Variants in SKAP1 observed in about 807,000 individuals in gnomAD.
The protein encoded by SKAP1 is src kinase associated phosphoprotein 1, also known as src kinase-associated phosphoprotein 1.
In SKAP1, 44 loss-of-function variants were observed where a neutral mutation model predicts 58.5. The ratio of observed to expected loss-of-function variants is 0.75; its 90% CI spans 0.59 to 0.97. The LOEUF (loss-of-function observed/expected upper bound fraction) is 0.97, where lower values mean the gene tolerates loss of function less well. Ranked by LOEUF, SKAP1 falls within the 50% of genes least tolerant of loss-of-function variation. SKAP1 has a pLI of 0.00. For missense variants in SKAP1, 390 were observed against 435.2 expected, an observed-to-expected ratio of 0.90 and a Z score of 0.92; for synonymous variants, 127 against 149.7, an observed-to-expected ratio of 0.85 and a Z score of 1.11.
At chr17:48,416,200 T>C (rs1000784100) in intron 1 of SKAP1, among the ~76,000 whole-genome samples, 1 of 132,334 alleles carries the variant, frequency 7.6e-6, no homozygotes, top group Non-Finnish European at 1.6e-5. Flanking sequence ...AAATTTTCAA[T>C]GATACCTGTA....
chr17:48,200,803 G>A (rs1221127554), intron 4 of SKAP1, among the ~76,000 whole-genome samples: 5 of 152,218 alleles, frequency 3.3e-5, no homozygotes, highest in Non-Finnish European at 1.5e-5. Context: ...CTAAAGAAAA[G>A]CTGCCAGTGG....
intron 1 of SKAP1, among the ~76,000 whole-genome samples, chr17:48,413,326 C>G (rs2067688799): frequency 6.6e-6 from 1 of 150,880 alleles, no homozygotes; most frequent in Admixed American, 6.6e-5. Flanking sequence ...ACCAGCCTGA[C>G]CAACATGGAG....
intron 4 of SKAP1, among the ~76,000 whole-genome samples, chr17:48,342,433 CTTTGTAGTTT>C (rs746285003): frequency 0.087 from 13,238 of 151,766 alleles, 989 homozygotes; most frequent in African/African-American, 0.16. Flanking sequence ...TTCTAGCACT[CTTTGTAGTTT>C]TCACAAAGTC....
At chr17:48,376,750 C>A (rs1231450289) in intron 2 of SKAP1, among the ~76,000 whole-genome samples, 1 of 152,160 alleles carries the variant, frequency 6.6e-6, no homozygotes, top group Non-Finnish European at 1.5e-5. Flanking sequence ...ACAGAAAACC[C>A]AACTGTGGAC....
chr17:48,318,960 C>A lies in SKAP1; in HGVS notation c.280+26945G>T, dbSNP rs77496246. Among the ~76,000 whole-genome samples the A allele has an allele frequency of 1.4e-3, 208 of 152,306 alleles. 6 individuals carry two copies. In the East Asian group the frequency reaches 0.037, roughly 27 times the overall value. The stretch of plus-strand genomic sequence containing the variant: ...AGAATTCCCAACTTAATGTAAATAA[C>A]CTTCTTGAAGTGGAAACAAAAAGGA... On this transcript the variant is annotated intron_variant, in intron 4 of 12. Coordinates refer to ENST00000336915, the MANE Select transcript of SKAP1 (RefSeq NM_003726.4).
chr17:48,325,767 G>A (rs1033017935), intron 4 of SKAP1, among the ~76,000 whole-genome samples: 9 of 152,112 alleles, frequency 5.9e-5, no homozygotes, highest in African/African-American at 2.2e-4. Flanking sequence ...ATAAAAATAG[G>A]AAGTGTCCGG....
chr17:48,363,148 TTTC>T (rs2066956993), intron 3 of SKAP1, among the ~76,000 whole-genome samples: 1 of 152,198 alleles, frequency 6.6e-6, no homozygotes, highest in Non-Finnish European at 1.5e-5. Flanking sequence ...TCCTGGCCTT[TTTC>T]TTTTTTTAAT....
rs146257434 is a variant in SKAP1 at position 48,396,693 on chromosome 17, G to C, written c.139C>G (p.Gln47Glu). The change falls in exon 2 of 13, where the codon CAA (glutamine) becomes GAA (glutamate). Residue 47 changes from glutamine to glutamate, a missense_variant. Physicochemically the swap from Gln to Glu is conservative, Grantham distance 29. Coordinates refer to ENST00000336915, the MANE Select transcript of SKAP1 (RefSeq NM_003726.4). The part of the protein sequence containing the change: ...HRDHILRGFQ[Q>E]IKARYYWDFQ... ...GTTTATACAAACCTGGCTTTGATTT[G>C]CTGAAAGCCCCGTAGAATATGGTCT... 1.9e-6 allele frequency: 3 copies of C among 1,608,672 alleles called. No individual in the cohort carries two copies. In the African/African-American group the frequency reaches 4.0e-5, roughly 22 times the overall value.
intron 1 of SKAP1, among the ~76,000 whole-genome samples, chr17:48,405,454 C>T (rs28471067): frequency 1.9e-4 from 12 of 63,146 alleles, no homozygotes; most frequent in African/African-American, 3.1e-4. Context: ...TCTTTCTTTT[C>T]TTTCTTTCTT....
intron 2 of SKAP1, among the ~76,000 whole-genome samples, chr17:48,394,142 G>A (rs1231312200): frequency 6.6e-6 from 1 of 152,040 alleles, no homozygotes; most frequent in East Asian, 1.9e-4. Flanking sequence ...GGGATCGCTT[G>A]AGCCCAGGAG....
intron 4 of SKAP1, among the ~76,000 whole-genome samples, chr17:48,344,677 T>G (rs985793295): frequency 1.3e-5 from 2 of 152,206 alleles, no homozygotes; most frequent in Non-Finnish European, 2.9e-5. Flanking sequence ...GTGTAATACC[T>G]GAATCAATAC....
intron 11 of SKAP1, among the ~76,000 whole-genome samples, chr17:48,157,970 G>C (rs1265059025): frequency 6.6e-6 from 1 of 150,890 alleles, no homozygotes; most frequent in Non-Finnish European, 1.5e-5. Flanking sequence ...CTGAGGTCAG[G>C]AGTTCGAGAA....
chr17:48,294,208 G>A (rs1356454872), intron 4 of SKAP1: 1 of 152,080 alleles, frequency 6.6e-6, no homozygotes, highest in Non-Finnish European at 1.5e-5. Context: ...TCAAATTCTC[G>A]TTGGACGAGA....
At chr17:48,290,461 C>CA (rs2065886185) in intron 4 of SKAP1, among the ~76,000 whole-genome samples, 1 of 152,108 alleles carries the variant, frequency 6.6e-6, no homozygotes, top group Non-Finnish European at 1.5e-5. Context: ...TTCACAAGAT[C>CA]GATTAAGTCA....
chr17:48,436,877 G>A, the SKAP1 span, among the ~76,000 whole-genome samples: 1 of 152,076 alleles, frequency 6.6e-6, no homozygotes, highest in Non-Finnish European at 1.5e-5. Flanking sequence ...TTGGATCATT[G>A]GATGGTCTTG....
At chr17:48,302,360 T>C (rs1206382755) in intron 4 of SKAP1, among the ~76,000 whole-genome samples, 1 of 152,146 alleles carries the variant, frequency 6.6e-6, no homozygotes, top group East Asian at 1.9e-4. Context: ...TTACTTCAAA[T>C]CCAAACACTT....
At chr17:48,238,014 G>A (rs1269310086) in intron 4 of SKAP1, among the ~76,000 whole-genome samples, 2 of 151,086 alleles carry the variant, frequency 1.3e-5, no homozygotes, top group Non-Finnish European at 2.9e-5. Context: ...TTGTTTTTGA[G>A]ACGGAGCCTG....
intron 1 of SKAP1, among the ~76,000 whole-genome samples, chr17:48,412,195 A>T (rs1268055830): frequency 6.6e-6 from 1 of 152,216 alleles, no homozygotes; most frequent in Non-Finnish European, 1.5e-5. Flanking sequence ...TGTTTTGCAA[A>T]TAAAAAAAAG....
chr17:48,196,049 C>T lies in SKAP1; in HGVS notation c.281-6549G>A, dbSNP rs191705868. Among the ~76,000 whole-genome samples the T allele has an allele frequency of 3.9e-5, 6 of 152,340 alleles. No homozygotes were observed. In the East Asian group the frequency reaches 9.6e-4, roughly 24 times the overall value. ...TTAAATTCATCAGCATTGTATCAAG[C>T]ATTTTTACATCTAAGTCCCACAATA... is the stretch of plus-strand genomic sequence containing the variant. On this transcript the variant is annotated intron_variant, in intron 4 of 12. Coordinates refer to ENST00000336915, the MANE Select transcript of SKAP1 (RefSeq NM_003726.4).
Sources: allele counts gnomAD v4.1 joint callset (sites outside exome capture counted in the v4.1 genomes callset), GRCh38; gene constraint gnomAD v4.1.1; transcripts MANE v1.5; gene names NCBI Gene and HGNC (gene_info 2026-07-23, HGNC 2026-07-21).